The following CSMD1 variants were observed in gnomAD, a reference collection of about 807,000 sequenced individuals.
CSMD1 encodes CUB and Sushi multiple domains 1.
In CSMD1, 213 loss-of-function variants were observed where a neutral mutation model predicts 417.5. That is an observed-to-expected ratio of 0.51 (90% confidence interval 0.46 to 0.57). The LOEUF is 0.57. Among genes scored for constraint, CSMD1 ranks in the 20% least tolerant of loss-of-function variants. The pLI, the probability that CSMD1 is intolerant of heterozygous loss-of-function variation, is 0.00. For synonymous variants in CSMD1, 2,862 were observed against 1,736.8 expected (o/e 1.65, Z -16.11); for missense variants, 6,923 against 4,529.7 (o/e 1.53, Z -15.17).
intron 50 of CSMD1, among the ~76,000 whole-genome samples, chr8:3,034,482 T>C (rs1054745279): frequency 3.3e-5 from 5 of 152,206 alleles, no homozygotes; most frequent in African/African-American, 1.2e-4. Flanking sequence ...AAAAATCTTC[T>C]GTCTTGAGGT....
intron 3 of CSMD1, among the ~76,000 whole-genome samples, chr8:4,170,717 T>G (rs1200116880): frequency 6.6e-6 from 1 of 151,742 alleles, no homozygotes; most frequent in African/African-American, 2.4e-5. Context: ...AGCTAGCATG[T>G]GGATTTTTTT....
intron 10 of CSMD1, among the ~76,000 whole-genome samples, chr8:3,495,349 G>T (rs955515273): frequency 1.3e-5 from 2 of 152,136 alleles, no homozygotes; most frequent in Non-Finnish European, 2.9e-5. Flanking sequence ...GTTCTGGTGG[G>T]AAGCGATGAT....
chr8:4,951,521 G>A (rs1236927997), intron 1 of CSMD1, among the ~76,000 whole-genome samples: 1 of 149,054 alleles, frequency 6.7e-6, no homozygotes, highest in African/African-American at 2.5e-5. Flanking sequence ...AGGATGGGAG[G>A]GGAGAAAGAG....
chr8:4,806,915 A>G (rs1798622252), intron 1 of CSMD1, among the ~76,000 whole-genome samples: 1 of 152,196 alleles, frequency 6.6e-6, no homozygotes, highest in Middle Eastern at 3.2e-3. Flanking sequence ...GCAAGTACAG[A>G]TGCATGCCTG....
chr8:4,674,236 G>C (rs1805531229), intron 1 of CSMD1, among the ~76,000 whole-genome samples: 3 of 152,198 alleles, frequency 2.0e-5, no homozygotes, highest in Admixed American at 6.6e-5. Flanking sequence ...GTTGGACCTA[G>C]TGGTCCTGAG....
intron 1 of CSMD1, among the ~76,000 whole-genome samples, chr8:4,719,326 T>C (rs901900154): frequency 1.3e-5 from 2 of 152,150 alleles, no homozygotes; most frequent in Non-Finnish European, 2.9e-5. Flanking sequence ...GGTTTTCTAA[T>C]CTATTTCCTT....
At chr8:4,748,762 T>C (rs773527983) in intron 1 of CSMD1, among the ~76,000 whole-genome samples, 1 of 152,246 alleles carries the variant, frequency 6.6e-6, no homozygotes, top group African/African-American at 2.4e-5. Context: ...ACTTAATTAC[T>C]GGTTAATTAT....
intron 4 of CSMD1, among the ~76,000 whole-genome samples, chr8:4,021,407 T>A (rs74553371): frequency 1.3e-5 from 2 of 152,204 alleles, no homozygotes; most frequent in South Asian, 2.1e-4. Context: ...CATTATGGAT[T>A]GTGTTATATG....
At chr8:4,279,785 G>T (rs1221829585) in intron 3 of CSMD1, among the ~76,000 whole-genome samples, 1 of 152,170 alleles carries the variant, frequency 6.6e-6, no homozygotes, top group Admixed American at 6.5e-5. Context: ...TATGGAGGAG[G>T]CCAGGAGTGT....
At chr8:4,423,858 G>A (rs1314166064) in intron 2 of CSMD1, among the ~76,000 whole-genome samples, 2 of 151,956 alleles carry the variant, frequency 1.3e-5, no homozygotes, top group Admixed American at 6.6e-5. Flanking sequence ...TCGGCAGATT[G>A]GCAAAGACAT....
chr8:3,666,332 A>C (rs1360801935), intron 7 of CSMD1, among the ~76,000 whole-genome samples: 1 of 152,216 alleles, frequency 6.6e-6, no homozygotes, highest in African/African-American at 2.4e-5. Flanking sequence ...AAGCAACTTA[A>C]ATGATATAAA....
intron 18 of CSMD1, among the ~76,000 whole-genome samples, chr8:3,384,400 A>G (rs1178826106): frequency 2.6e-5 from 4 of 151,950 alleles, no homozygotes; most frequent in East Asian, 1.9e-4. Context: ...TAATTATATT[A>G]TAAATTAAGT....
intron 3 of CSMD1, among the ~76,000 whole-genome samples, chr8:4,078,689 A>G (rs1209465617): frequency 1.3e-5 from 2 of 150,860 alleles, no homozygotes; most frequent in African/African-American, 2.4e-5. Flanking sequence ...ATTCTTGCTA[A>G]TAAATGTTTA....
intron 6 of CSMD1, among the ~76,000 whole-genome samples, chr8:3,725,865 C>T (rs1299320017): frequency 6.6e-6 from 1 of 152,196 alleles, no homozygotes; most frequent in Non-Finnish European, 1.5e-5. Context: ...AAAAATACAT[C>T]TACCATTATT....
At chr8:4,938,835 G>T (rs1270077390) in intron 1 of CSMD1, among the ~76,000 whole-genome samples, 1 of 152,124 alleles carries the variant, frequency 6.6e-6, no homozygotes, top group Non-Finnish European at 1.5e-5. Flanking sequence ...AAACATTATT[G>T]AAACAGGTGT....
At chr8:4,881,722 G>A (rs1353358806) in intron 1 of CSMD1, among the ~76,000 whole-genome samples, 1 of 152,000 alleles carries the variant, frequency 6.6e-6, no homozygotes, top group East Asian at 1.9e-4. Flanking sequence ...TGAATAAAAA[G>A]CATGCAGCAG....
intron 1 of CSMD1, among the ~76,000 whole-genome samples, chr8:4,758,426 T>A (rs577886803): frequency 6.6e-6 from 1 of 152,090 alleles, no homozygotes; most frequent in Non-Finnish European, 1.5e-5. Context: ...GAACACAAAA[T>A]GGCATAAAGG....
intron 3 of CSMD1, among the ~76,000 whole-genome samples, chr8:4,415,923 A>C (rs558539262): frequency 1.3e-5 from 2 of 152,338 alleles, no homozygotes; most frequent in East Asian, 1.9e-4. Context: ...AGACATGTGG[A>C]TAATTTCTGC....
At chr8:3,182,675 C>CTGTGTGTGTGTGTG (rs10676783) in intron 36 of CSMD1, among the ~76,000 whole-genome samples, 1,045 of 99,110 alleles carry the variant, frequency 0.011, 57 homozygotes, top group Non-Finnish European at 0.013. Context: ...CTATAAGAAG[C>CTGTGTGTGTGTGTG]TGTGTGTGTG....
Sources: gnomAD v4.1 joint callset for allele counts (sites outside exome capture counted in the v4.1 genomes callset) on GRCh38, gnomAD v4.1.1 for gene constraint, MANE v1.5 for transcripts, NCBI Gene and HGNC (gene_info 2026-07-23, HGNC 2026-07-21) for gene names.